Variants in ZFAND3 observed in about 807,000 individuals in gnomAD.
ZFAND3 encodes zinc finger AN1-type containing 3, also known as AN1-type zinc finger protein 3.
Under a neutral mutation model 29.6 loss-of-function variants are expected in ZFAND3, and 10 were observed. That is an observed-to-expected ratio of 0.34 (90% confidence interval 0.21 to 0.57). The LOEUF (loss-of-function observed/expected upper bound fraction) is 0.57. ZFAND3 is among the 20% of genes least tolerant of loss of function. The pLI, the probability that ZFAND3 is intolerant of heterozygous loss-of-function variation, is 0.86. For synonymous variants in ZFAND3, 128 were observed against 112.6 expected, an observed-to-expected ratio of 1.14 and a Z score of -0.87; for missense variants, 230 against 304.5, an observed-to-expected ratio of 0.76 and a Z score of 1.82.
intron 1 of ZFAND3, among the ~76,000 whole-genome samples, chr6:37,890,909 C>G (rs887553814): frequency 5.9e-5 from 9 of 152,214 alleles, no homozygotes; most frequent in Non-Finnish European, 1.3e-4. Context: ...AATGGCAGAG[C>G]AGGCAGCTCC....
intron 2 of ZFAND3, among the ~76,000 whole-genome samples, chr6:38,011,728 A>G (rs920442624): frequency 1.3e-5 from 2 of 152,182 alleles, no homozygotes; most frequent in African/African-American, 2.4e-5. Context: ...AATTAATTTT[A>G]TATTAATTGG....
At chr6:37,849,220 A>T (rs901222625) in intron 1 of ZFAND3, among the ~76,000 whole-genome samples, 1 of 152,132 alleles carries the variant, frequency 6.6e-6, no homozygotes, top group Non-Finnish European at 1.5e-5. Context: ...GACCATAGAC[A>T]CACTGCATTC....
chr6:37,898,208 A>G (rs1581744403), intron 1 of ZFAND3, among the ~76,000 whole-genome samples: 1 of 152,310 alleles, frequency 6.6e-6, no homozygotes, highest in East Asian at 1.9e-4. Context: ...ATGTGATGTA[A>G]AGTAATGGTG....
Position 37,819,810 on chromosome 6 carries a change from C to CCGCCCGCG in ZFAND3, c.-128_-121dup, listed in dbSNP as rs1359180497. 3.8e-6 allele frequency: 2 copies of CCGCCCGCG among 532,598 alleles called. No individual in the cohort carries two copies. The highest frequency in any genetic ancestry group is 5.7e-5 in the Admixed American group (1 of 17,644). The allele number at this position is 532,598 out of a possible 1,614,324, so 33.0% of individuals were successfully genotyped here. A position where few individuals can be genotyped will look rare whatever the true frequency, so the allele number is the denominator to read the frequency against. On this transcript the variant is annotated 5_prime_UTR_variant, in exon 1 of 6. Transcript: ENST00000287218. ...CCGGCTCCGAGCCCCGGACTCGCGC[C>CCGCCCGCG]CGCCCGCGCGCCCGCTCCTTCCCCC... is the stretch of plus-strand genomic sequence containing the variant.
rs796480340 is a variant in ZFAND3 at position 37,932,274 on chromosome 6, T to A, written c.112+2275T>A. Among the ~76,000 whole-genome samples the A allele has an allele frequency of 3.2e-3, 455 of 141,802 alleles. 2 individuals are homozygous for A. The highest frequency in any genetic ancestry group is 0.018 in the East Asian group (93 of 5,036). The allele number at this position is 141,802 out of a possible 152,430, so 93.0% of individuals were successfully genotyped here. ...AGACTCTGTCTCAAAAAAAAAAAAA[T>A]AAATAAATAAAAGGACTGTATTCTG... On this transcript the variant is annotated intron_variant, in intron 2 of 5. Coordinates refer to ENST00000287218, the MANE Select transcript of ZFAND3 (RefSeq NM_021943.3).
chr6:37,855,679 G>C (rs964195078), intron 1 of ZFAND3, among the ~76,000 whole-genome samples: 1 of 151,966 alleles, frequency 6.6e-6, no homozygotes, highest in Non-Finnish European at 1.5e-5. Flanking sequence ...TTTTCTTTTT[G>C]GGGGGCAGGT....
At chr6:37,860,156 C>G (rs60943435) in intron 1 of ZFAND3, among the ~76,000 whole-genome samples, 9,531 of 148,312 alleles carry the variant, frequency 0.064, 379 homozygotes, top group Non-Finnish European at 0.093. Context: ...CAGGCGTGAA[C>G]CACCGTGCCA....
At chr6:37,918,297 G>A (rs1458546649) in intron 1 of ZFAND3, among the ~76,000 whole-genome samples, 2 of 152,012 alleles carry the variant, frequency 1.3e-5, no homozygotes, top group East Asian at 3.9e-4. Context: ...GGATGGTCTC[G>A]ATCTCCTGAC....
At chr6:38,022,381 A>G (rs986355821) in intron 2 of ZFAND3, among the ~76,000 whole-genome samples, 2 of 152,236 alleles carry the variant, frequency 1.3e-5, no homozygotes, top group Non-Finnish European at 2.9e-5. Context: ...ATGTCATAGC[A>G]GTGCCATGTT....
At chr6:37,941,720 T>C (rs1457973936) in intron 2 of ZFAND3, among the ~76,000 whole-genome samples, 1 of 152,214 alleles carries the variant, frequency 6.6e-6, no homozygotes, top group Non-Finnish European at 1.5e-5. Context: ...AAAGCAAAGA[T>C]GAATTTCGTA....
At chr6:37,965,246 G>T (rs1041375187) in intron 2 of ZFAND3, among the ~76,000 whole-genome samples, 1 of 152,012 alleles carries the variant, frequency 6.6e-6, no homozygotes, top group African/African-American at 2.4e-5. Context: ...TACTTACTTT[G>T]TTTAGACCAG....
intron 1 of ZFAND3, among the ~76,000 whole-genome samples, chr6:37,897,444 G>A (rs1051653520): frequency 7.9e-5 from 12 of 152,152 alleles, no homozygotes; most frequent in African/African-American, 2.9e-4. Flanking sequence ...CTTATCTTCC[G>A]TCTTTGTTAG....
chr6:38,141,722 A>G (rs1013194045), intron 5 of ZFAND3, among the ~76,000 whole-genome samples: 3 of 152,130 alleles, frequency 2.0e-5, no homozygotes, highest in South Asian at 2.1e-4. Context: ...CTAGATGGGG[A>G]GGTAAAAGCA....
At chr6:37,902,830 C>T (rs963625947) in intron 1 of ZFAND3, among the ~76,000 whole-genome samples, 3 of 143,552 alleles carry the variant, frequency 2.1e-5, no homozygotes, top group Admixed American at 7.2e-5. Context: ...TCTCCTGCTT[C>T]GGCTTCCCAG....
chr6:38,101,633 G>A lies in ZFAND3; in HGVS notation c.362-14939G>A, dbSNP rs536189579. Among the ~76,000 whole-genome samples, 100 of 152,026 alleles carry A rather than the reference G, an allele frequency of 6.6e-4. 1 individual carries two copies. Among genetic ancestry groups the A allele is most frequent in the Non-Finnish European group, 1.0e-3 (69 of 67,986 alleles). ...TACTAAAAATACAAAAATTACCCGG[G>A]CATGGTGGTGGGCACCTGTAATCCC... On this transcript the variant is annotated intron_variant, in intron 4 of 5. Transcript: ENST00000287218.
intron 2 of ZFAND3, among the ~76,000 whole-genome samples, chr6:38,059,586 A>G (rs1414707399): frequency 1.3e-5 from 2 of 152,142 alleles, no homozygotes; most frequent in Non-Finnish European, 2.9e-5. Flanking sequence ...GGCTTTGAAA[A>G]GGTTTAAGGC....
At chr6:38,151,077 A>G (rs936682786) in intron 5 of ZFAND3, among the ~76,000 whole-genome samples, 6 of 152,134 alleles carry the variant, frequency 3.9e-5, no homozygotes, top group Admixed American at 3.3e-4. Context: ...GGGACCTCAG[A>G]CGTCTGTGCT....
intron 2 of ZFAND3, among the ~76,000 whole-genome samples, chr6:37,973,677 G>A (rs1762429064): frequency 6.6e-6 from 1 of 152,220 alleles, no homozygotes; most frequent in African/African-American, 2.4e-5. Context: ...CTTAAGCTAA[G>A]CTAGTGTTTC....
intron 5 of ZFAND3, among the ~76,000 whole-genome samples, chr6:38,143,641 G>A (rs1477891946): frequency 6.6e-6 from 1 of 152,210 alleles, no homozygotes; most frequent in Non-Finnish European, 1.5e-5. Context: ...TAAATTGCAA[G>A]TTTTCCTTCT....
Sources: allele counts gnomAD v4.1 joint callset (sites outside exome capture counted in the v4.1 genomes callset), GRCh38; gene constraint gnomAD v4.1.1; transcripts MANE v1.5; gene names NCBI Gene and HGNC (gene_info 2026-07-23, HGNC 2026-07-21).